The following KRT77 variants were observed in gnomAD, a reference collection of about 807,000 sequenced individuals.
KRT77 encodes the protein keratin, type II cytoskeletal 1b.
KRT77 carries 44 observed loss-of-function variants against 51.5 expected under a neutral mutation model. The ratio of observed to expected loss-of-function variants is 0.85; its 90% CI spans 0.67 to 1.10. The LOEUF (loss-of-function observed/expected upper bound fraction) is 1.10. Ranked by LOEUF, KRT77 falls within the 50% of genes least tolerant of loss-of-function variation. The pLI is 0.00. For missense variants in KRT77, 763 were observed against 743.9 expected (o/e 1.03, Z -0.30); for synonymous variants, 293 against 302.0 (o/e 0.97, Z 0.31).
chr12:52,703,501 G>C lies in KRT77; in HGVS notation c.-67C>G. 1 of 1,390,368 alleles carries C rather than the reference G, an allele frequency of 7.2e-7. No individual in the cohort carries two copies. The highest frequency in any genetic ancestry group is 1.5e-5 in the South Asian group (1 of 68,728). The allele number at this position is 1,390,368 out of a possible 1,614,324, so 86.1% of individuals were successfully genotyped here. A position where few individuals can be genotyped will look rare whatever the true frequency, so the allele number is the denominator to read the frequency against. The stretch of plus-strand genomic sequence containing the variant: ...TGGCAGGAAGGAGGCAGAGACCAGA[G>C]AGGAAAGGAGCTCTGACTCCTTTGA... On this transcript the variant is annotated 5_prime_UTR_variant, in exon 1 of 9. Coordinates refer to ENST00000341809, the MANE Select transcript of KRT77 (RefSeq NM_175078.3).
chr12:52,700,670 AGCT>A (rs1231168917), intron 1 of KRT77, among the ~76,000 whole-genome samples: 1 of 152,158 alleles, frequency 6.6e-6, no homozygotes, highest in African/African-American at 2.4e-5. Flanking sequence ...GTATCCCGAA[AGCT>A]GTTCCACCCA....
Position 52,691,334 on chromosome 12 carries a change from C to A in KRT77, c.1568G>T (p.Arg523Ile). 1 of 1,599,738 alleles carries A rather than the reference C, an allele frequency of 6.3e-7. No individual in the cohort carries two copies. Residue 523 changes from arginine to isoleucine, a missense_variant, in exon 9 of 9, where the codon AGA becomes ATA. Arg to Ile is a moderately conservative substitution (Grantham distance 97). Coordinates refer to ENST00000341809, the MANE Select transcript of KRT77 (RefSeq NM_175078.3). ...GGSGGGYGGG[R>I]SYRGGGARGR... ...TCGTGCCCCGCCTCCGCGGTAGCTT[C>A]TTCCGCCGCCATAGCCCCCACCGCT...
Position 52,691,424 on chromosome 12 carries a change from TGGCTGTTCTGCAC to T in KRT77, c.1465_1477del (p.Val489ArgfsTer2). On this transcript the variant is annotated frameshift_variant and splice_region_variant, in exon 9 of 9. Coordinates refer to ENST00000341809, the MANE Select transcript of KRT77 (RefSeq NM_175078.3). LOFTEE classifies it low-confidence loss of function (END_TRUNC). ...TCCCGCGCCGCCGTTGACGCTCACC[TGGCTGTTCTGCAC>T]GGCTGTGGGTAGGGGACAGTGCACA... 6.3e-7 allele frequency: 1 copy of T among 1,593,138 alleles called. No homozygotes were observed. Among genetic ancestry groups the T allele is most frequent in the Non-Finnish European group, 8.5e-7 (1 of 1,174,458 alleles).
chr12:52,703,422 A>G lies in KRT77; in HGVS notation c.13T>C (p.Phe5Leu). 1 of 1,581,968 alleles carries G rather than the reference A, an allele frequency of 6.3e-7. No individual in the cohort carries two copies. The highest frequency in any genetic ancestry group is 8.6e-7 in the Non-Finnish European group (1 of 1,159,268). ...GAACTAAACGCGGACTGAGAACTAA[A>G]TTGGTGGCTCATGTTTGCTGGAGCA... MSHQFSSQSAFSSMS... is the reference protein window; with the variant it reads MSHQLSSQSAFSSMS... Residue 5 changes from phenylalanine (F) to leucine (L), a missense_variant, in exon 1 of 9, where the codon TTT becomes CTT. Phe to Leu is a conservative substitution (Grantham distance 22). Coordinates refer to ENST00000341809, the MANE Select transcript of KRT77 (RefSeq NM_175078.3).
In KRT77 at chr12:52,694,724, A is replaced by C; in HGVS notation, c.982T>G (p.Ser328Ala). The change falls in exon 5 of 9, where the codon TCC becomes GCC. Residue 328 changes from serine (S) to alanine (A), a missense_variant. Coordinates refer to ENST00000341809, the MANE Select transcript of KRT77 (RefSeq NM_175078.3). Reference sequence around the variant, plus strand: ...TCGATGATGCTGTCCAGGTCCAGGGAACGGTTATTGTCCATGGACAGGATG... The same window carrying C: ...TCGATGATGCTGTCCAGGTCCAGGGCACGGTTATTGTCCATGGACAGGATG... ...NVILSMDNNR[S>A]LDLDSIIDAV... 1 of 1,613,696 alleles carries C rather than the reference A, an allele frequency of 6.2e-7. No individual in the cohort carries two copies. The highest frequency in any genetic ancestry group is 8.5e-7 in the Non-Finnish European group (1 of 1,179,698).
chr12:52,693,676 T>C (rs145455823), intron 5 of KRT77: 2 of 151,034 alleles, frequency 1.3e-5, no homozygotes, highest in East Asian at 1.9e-4. Flanking sequence ...GGTCAGTTTA[T>C]GGAAAAGAAG....
Position 52,703,148 on chromosome 12 carries a change from C to A in KRT77, c.287G>T (p.Gly96Val). 6.2e-7 allele frequency: 1 copy of A among 1,610,104 alleles called. No homozygotes were observed. The highest frequency in any genetic ancestry group is 1.1e-5 in the South Asian group (1 of 90,652). Residue 96 changes from glycine (G) to valine (V), a missense_variant, in exon 1 of 9, where the codon GGC (glycine) becomes GTC (valine). Gly to Val is a moderately radical substitution (Grantham distance 109). Transcript: ENST00000341809. ...GGVGGFGGGRGFGVGSTGAGG... is the reference protein window; with the variant it reads ...GGVGGFGGGRVFGVGSTGAGG... ...AGCCCCGGTGCTGCCAACCCCAAAG[C>A]CTCTGCCCCCTCCAAATCCCCCTAC... is the stretch of plus-strand genomic sequence containing the variant.
At position 52,689,674 on chromosome 12, in the gene KRT77, C is replaced by A. The variant is rs1941677753; in HGVS notation, c.*1491G>T. ...TATAGAAATACCAGAAATGCTGCCCCTTGACAGTACAACTTTGAACCAGGA... is the reference window on the plus strand; with the variant it reads ...TATAGAAATACCAGAAATGCTGCCCATTGACAGTACAACTTTGAACCAGGA... On this transcript the variant is annotated 3_prime_UTR_variant, in exon 9 of 9. Transcript: ENST00000341809. 6.6e-6 allele frequency: 1 copy of A among 152,294 alleles called. No homozygotes were observed. The highest frequency in any genetic ancestry group is 1.5e-5 in the Non-Finnish European group (1 of 68,122). 9.4% of individuals were successfully genotyped at this position (152,294 alleles called of 1,614,324 possible).
At chr12:52,702,405 G>A (rs1362054805) in intron 1 of KRT77, among the ~76,000 whole-genome samples, 2 of 151,240 alleles carry the variant, frequency 1.3e-5, no homozygotes, top group Non-Finnish European at 2.9e-5. Context: ...AGATGAACAC[G>A]TGTGTGTGTG....
At chr12:52,700,811 G>A (rs1023384147) in intron 1 of KRT77, among the ~76,000 whole-genome samples, 6 of 152,222 alleles carry the variant, frequency 3.9e-5, no homozygotes, top group African/African-American at 1.4e-4. Context: ...AGAAGCCACT[G>A]GAGGATTCAA....
In KRT77 at chr12:52,703,183, C is replaced by G. The variant is rs1405137418; in HGVS notation, c.252G>C (p.Gln84His). 1 of 1,613,008 alleles carries G rather than the reference C, an allele frequency of 6.2e-7. No individual in the cohort carries two copies. The highest frequency in any genetic ancestry group is 8.5e-7 in the Non-Finnish European group (1 of 1,179,492). ...LMGRSTSGFC[Q>H]GGGVGGFGGG... ...CTCCAAATCCCCCTACTCCCCCACC[C>G]TGGCAGAAACCACTGGTGCTCCTCC... is the stretch of plus-strand genomic sequence containing the variant. The change falls in exon 1 of 9, where the codon CAG becomes CAC. Residue 84 changes from glutamine (Q) to histidine (H), a missense_variant. Gln to His is a conservative substitution (Grantham distance 24). Coordinates refer to ENST00000341809, the MANE Select transcript of KRT77 (RefSeq NM_175078.3).
chr12:52,689,695 C>T lies in KRT77; in HGVS notation c.*1470G>A, dbSNP rs543688410. ...GCCCCTTGACAGTACAACTTTGAAC[C>T]AGGAAATGATGAAGTCACAAGAACA... On this transcript the variant is annotated 3_prime_UTR_variant, in exon 9 of 9. Transcript: ENST00000341809. The T allele has an allele frequency of 6.6e-6, 1 of 152,146 alleles. No homozygotes were observed. The highest frequency in any genetic ancestry group is 2.4e-5 in the African/African-American group (1 of 41,410). 9.4% of individuals were successfully genotyped at this position (152,146 alleles called of 1,614,324 possible).
At position 52,691,416 on chromosome 12, in the gene KRT77, C is replaced by A; in HGVS notation, c.1486G>T (p.Val496Phe). The A allele has an allele frequency of 6.3e-7, 1 of 1,596,054 alleles. No homozygotes were observed. Among genetic ancestry groups the A allele is most frequent in the South Asian group, 1.1e-5 (1 of 89,416 alleles). Residue 496 changes from valine (V) to phenylalanine (F), a missense_variant, in exon 9 of 9, where the codon GTC (valine) becomes TTC (phenylalanine). Transcript: ENST00000341809. ...SISVQNSQVS[V>F]NGGAGGGGSY... ...CCGCCGCCTCCCGCGCCGCCGTTGACGCTCACCTGGCTGTTCTGCACGGCT... is the reference window on the plus strand; with the variant it reads ...CCGCCGCCTCCCGCGCCGCCGTTGAAGCTCACCTGGCTGTTCTGCACGGCT...
intron 2 of KRT77, 200 bp from the exon 3 acceptor site, chr12:52,696,630 G>A (rs1941798190): frequency 3.7e-6 from 2 of 541,074 alleles, no homozygotes; most frequent in Non-Finnish European, 6.6e-6. Flanking sequence ...TAGGTCTGTG[G>A]GCCAACAGAG....
At position 52,703,478 on chromosome 12, in the gene KRT77, G is replaced by T; in HGVS notation, c.-44C>A. On this transcript the variant is annotated 5_prime_UTR_variant, in exon 1 of 9. Coordinates refer to ENST00000341809, the MANE Select transcript of KRT77 (RefSeq NM_175078.3). ...AGAAGCAGGCAAGAGAAAGAGCCTG[G>T]CAGGAAGGAGGCAGAGACCAGAGAG... The T allele has an allele frequency of 1.3e-6, 2 of 1,516,798 alleles. No homozygotes were observed. Among genetic ancestry groups the T allele is most frequent in the Non-Finnish European group, 1.8e-6 (2 of 1,129,594 alleles). The allele number at this position is 1,516,798 out of a possible 1,614,324, so 94.0% of individuals were successfully genotyped here. A position where few individuals can be genotyped will look rare whatever the true frequency, so the allele number is the denominator to read the frequency against.
chr12:52,702,871 C>A, intron 1 of KRT77, 21 bp downstream of exon 1: 1 of 1,612,840 alleles, frequency 6.2e-7, no homozygotes. Flanking sequence ...CAATGACCCT[C>A]CCTGCCCCTG....
chr12:52,697,617 G>A lies in KRT77; in HGVS notation c.758+65C>T, dbSNP rs770084889. ...TTACACACAAACACTGAAGCCGAAT[G>A]TCTTGCCCCTGTGACCAGTTTCCGG... is the stretch of plus-strand genomic sequence containing the variant. On this transcript the variant is annotated intron_variant, in intron 2 of 8. Coordinates refer to ENST00000341809, the MANE Select transcript of KRT77 (RefSeq NM_175078.3). 5 of 1,117,100 alleles carry A rather than the reference G, an allele frequency of 4.5e-6. No homozygotes were observed. In the Admixed American group the frequency reaches 9.2e-5, roughly 21 times the overall value. The allele number at this position is 1,117,100 out of a possible 1,614,324, so 69.2% of individuals were successfully genotyped here.
chr12:52,697,558 G>T (rs1361032518), intron 2 of KRT77, 124 bp downstream of exon 2: 5 of 544,750 alleles, frequency 9.2e-6, no homozygotes, highest in Non-Finnish European at 1.7e-5. Context: ...CTGCAGTTGT[G>T]CAGTGCAGAG....
At position 52,697,782 on chromosome 12, in the gene KRT77, C is replaced by A. The variant is rs1567759; in HGVS notation, c.658G>T (p.Gly220Cys). 676,431 of 1,613,712 alleles carry A rather than the reference C, an allele frequency of 0.42. 143,479 individuals are homozygous for A. The highest frequency in any genetic ancestry group is 0.45 in the African/African-American group (33,971 of 74,932). Residue 220 changes from glycine (G) to cysteine (C), a missense_variant, in exon 2 of 9, where the codon GGT becomes TGT. Gly to Cys is a radical substitution (Grantham distance 159). Coordinates refer to ENST00000341809, the MANE Select transcript of KRT77 (RefSeq NM_175078.3). ...NLEPLLENYI[G>C]DLRRQVDLLS... ...AAATCCACCTGCCTCCGCAGGTCAC[C>A]GATGTAGTTCTCCAAGAGGGGCTCC...
Sources: gnomAD v4.1 joint callset for allele counts (sites outside exome capture counted in the v4.1 genomes callset) on GRCh38, gnomAD v4.1.1 for gene constraint, MANE v1.5 for transcripts, NCBI Gene and HGNC (gene_info 2026-07-23, HGNC 2026-07-21) for gene names.